Variants in TMEM45B observed in about 807,000 individuals in gnomAD.
TMEM45B encodes transmembrane protein 45B.
In TMEM45B, 29 loss-of-function variants were observed where a neutral mutation model predicts 27.3. The ratio of observed to expected loss-of-function variants is 1.06; its 90% CI spans 0.79 to 1.45. The LOEUF is 1.45. TMEM45B is among the 40% of genes most tolerant of loss of function. TMEM45B has a pLI of 0.00. For missense variants in TMEM45B, 348 were observed against 343.9 expected, an observed-to-expected ratio of 1.01 and a Z score of -0.09; for synonymous variants, 143 against 134.7, an observed-to-expected ratio of 1.06 and a Z score of -0.43.
intron 1 of TMEM45B, among the ~76,000 whole-genome samples, chr11:129,839,684 C>T (rs1947666885): frequency 6.6e-6 from 1 of 152,186 alleles, no homozygotes; most frequent in Admixed American, 6.5e-5. Flanking sequence ...GGACTACAGG[C>T]GTGCCCTTCC....
chr11:129,855,567 C>A (rs1411246705), intron 3 of TMEM45B, 141 bp from the exon 4 acceptor site: 2 of 767,054 alleles, frequency 2.6e-6, no homozygotes, highest in Non-Finnish European at 4.4e-6. Context: ...AATACACTTA[C>A]TCGCATCTGT....
intron 5 of TMEM45B, among the ~76,000 whole-genome samples, chr11:129,857,801 T>C (rs1187110166): frequency 6.6e-6 from 1 of 152,116 alleles, no homozygotes; most frequent in African/African-American, 2.4e-5. Context: ...ATCATCTTAT[T>C]TCCAGACCTG....
At chr11:129,831,749 C>A (rs1420491749) in intron 1 of TMEM45B, among the ~76,000 whole-genome samples, 1 of 152,182 alleles carries the variant, frequency 6.6e-6, no homozygotes, top group Non-Finnish European at 1.5e-5. Flanking sequence ...CACATCCATA[C>A]AATGGAATAT....
chr11:129,852,399 ATT>A, intron 1 of TMEM45B, 74 bp from the exon 2 acceptor site: 3 of 1,336,416 alleles, frequency 2.2e-6, no homozygotes, highest in Non-Finnish European at 3.1e-6. Flanking sequence ...TCAGGCACGT[ATT>A]GTGTTTCCTG....
At chr11:129,824,053 A>G (rs959857364) in intron 1 of TMEM45B, among the ~76,000 whole-genome samples, 4 of 152,160 alleles carry the variant, frequency 2.6e-5, no homozygotes, top group African/African-American at 9.7e-5. Context: ...CAGAATACCT[A>G]CCTGTCAATC....
intron 2 of TMEM45B, 100 bp from the exon 3 acceptor site, chr11:129,854,510 A>T: frequency 8.1e-7 from 1 of 1,235,868 alleles, no homozygotes; most frequent in South Asian, 1.4e-5. Context: ...CCCTCACCTC[A>T]CCCCATCTCC....
intron 1 of TMEM45B, among the ~76,000 whole-genome samples, chr11:129,847,408 T>TTTGTTTTTTA (rs1555072232): frequency 2.2e-4 from 11 of 49,612 alleles, no homozygotes; most frequent in Non-Finnish European, 3.4e-4. Context: ...TATGAAGTTA[T>TTTGTTTTTTA]TTTTTTTTAT....
chr11:129,842,612 G>T (rs1041005215), intron 1 of TMEM45B, among the ~76,000 whole-genome samples: 1 of 152,170 alleles, frequency 6.6e-6, no homozygotes, highest in Non-Finnish European at 1.5e-5. Context: ...AAGGAAATTG[G>T]ATCTTTATCT....
chr11:129,839,173 A>G (rs1211372953), intron 1 of TMEM45B, among the ~76,000 whole-genome samples: 1 of 152,200 alleles, frequency 6.6e-6, no homozygotes, highest in Non-Finnish European at 1.5e-5. Context: ...ATCTCCCTAG[A>G]TATGAAATAA....
At chr11:129,845,870 G>C (rs535513835) in intron 1 of TMEM45B, among the ~76,000 whole-genome samples, 1 of 152,130 alleles carries the variant, frequency 6.6e-6, no homozygotes, top group East Asian at 1.9e-4. Context: ...ACAAGGAAAA[G>C]CCTCTTCTGG....
intron 1 of TMEM45B, among the ~76,000 whole-genome samples, chr11:129,842,107 A>G (rs1947703246): frequency 6.6e-6 from 1 of 152,246 alleles, no homozygotes; most frequent in Non-Finnish European, 1.5e-5. Context: ...AAATAGACCA[A>G]TAGAAATGAT....
rs749776553 is a variant in TMEM45B at position 129,858,696 on chromosome 11, G to A, written c.*11G>A. 6.4e-5 allele frequency: 98 copies of A among 1,538,286 alleles called. No individual in the cohort carries two copies. Among genetic ancestry groups the A allele is most frequent in the Non-Finnish European group, 7.8e-5 (89 of 1,134,554 alleles). On this transcript the variant is annotated 3_prime_UTR_variant, in exon 6 of 6. Transcript: ENST00000281441. ...TCAGATGAGGAATGAGCCGAGATGC[G>A]GAGGGCGCAGATGTCCCACTGCACA...
chr11:129,847,417 A>ATTTTTTTTTAT lies in TMEM45B; in HGVS notation c.-8-5056_-8-5046dup, dbSNP rs1555072245. Among the ~76,000 whole-genome samples the ATTTTTTTTTAT allele has an allele frequency of 5.4e-4, 76 of 140,398 alleles. 1 individual carries two copies. In the East Asian group the frequency reaches 0.014, roughly 25 times the overall value. 92.1% of individuals were successfully genotyped at this position (140,398 alleles called of 152,430 possible). On this transcript the variant is annotated intron_variant, in intron 1 of 5. Transcript: ENST00000281441. The stretch of plus-strand genomic sequence containing the variant: ...AAAGCTTATGAAGTTATTTTTTTTT[A>ATTTTTTTTTAT]TTTTTTTTTATTGATCATTCTTGGG...
chr11:129,828,835 G>C lies in TMEM45B; in HGVS notation c.-9+12937G>C, dbSNP rs11828783. On this transcript the variant is annotated intron_variant, in intron 1 of 5. Coordinates refer to ENST00000281441, the MANE Select transcript of TMEM45B (RefSeq NM_138788.5). ...TATGCTCAGCCACTGCCCTCTCTAG[G>C]ATTATGTGATGTTAAACAGTAATTC... Among the ~76,000 whole-genome samples the C allele has an allele frequency of 4.9e-3, 743 of 152,280 alleles. 2 individuals carry two copies. The highest frequency in any genetic ancestry group is 0.017 in the African/African-American group (693 of 41,556).
chr11:129,855,078 G>A (rs1329576164), intron 3 of TMEM45B, among the ~76,000 whole-genome samples: 1 of 152,092 alleles, frequency 6.6e-6, no homozygotes, highest in Non-Finnish European at 1.5e-5. Context: ...AGTCCTCCTC[G>A]CCTTCCCACT....
At chr11:129,829,214 A>T (rs567073509) in intron 1 of TMEM45B, among the ~76,000 whole-genome samples, 1 of 152,330 alleles carries the variant, frequency 6.6e-6, no homozygotes, top group African/African-American at 2.4e-5. Flanking sequence ...TTATGTGACT[A>T]TATTCCTCCT....
At chr11:129,819,518 G>T (rs1243076297) in intron 1 of TMEM45B, among the ~76,000 whole-genome samples, 24 of 151,854 alleles carry the variant, frequency 1.6e-4, no homozygotes, top group South Asian at 4.2e-4. Flanking sequence ...GTCTTGTCTT[G>T]TCTTTTCTTT....
chr11:129,848,374 G>A (rs1425488787), intron 1 of TMEM45B, among the ~76,000 whole-genome samples: 2 of 152,236 alleles, frequency 1.3e-5, no homozygotes, highest in African/African-American at 4.8e-5. Context: ...CCCGTCAGGC[G>A]TGGCGGCGCG....
chr11:129,858,176 C>A (rs1295380382), intron 5 of TMEM45B, among the ~76,000 whole-genome samples: 1 of 152,150 alleles, frequency 6.6e-6, no homozygotes, highest in African/African-American at 2.4e-5. Context: ...CTGCCTCTAC[C>A]TTTTCTTCTA....
Sources: allele counts gnomAD v4.1 joint callset (sites outside exome capture counted in the v4.1 genomes callset), GRCh38; gene constraint gnomAD v4.1.1; transcripts MANE v1.5; gene names NCBI Gene and HGNC (gene_info 2026-07-23, HGNC 2026-07-21).